STAC: variants seen among roughly 807,000 people sequenced by gnomAD.
STAC encodes SH3 and cysteine rich domain, also known as SH3 and cysteine-rich domain-containing protein.
STAC carries 43 observed loss-of-function variants against 48.8 expected under a neutral mutation model. That is an observed-to-expected ratio of 0.88 (90% confidence interval 0.69 to 1.14). The LOEUF is 1.14. STAC is among the 50% of genes most tolerant of loss of function. The pLI is 0.00. For synonymous variants in STAC, 193 were observed against 179.5 expected, an observed-to-expected ratio of 1.07 and a Z score of -0.60; for missense variants, 497 against 504.0, an observed-to-expected ratio of 0.99 and a Z score of 0.13.
intron 1 of STAC, among the ~76,000 whole-genome samples, chr3:36,440,802 G>C (rs1430276616): frequency 6.6e-6 from 1 of 152,204 alleles, no homozygotes; most frequent in African/African-American, 2.4e-5. Flanking sequence ...AACTTAGGGG[G>C]TTAAGACAGA....
At chr3:36,413,173 T>C (rs549563249) in intron 1 of STAC, among the ~76,000 whole-genome samples, 2 of 152,342 alleles carry the variant, frequency 1.3e-5, no homozygotes, top group South Asian at 2.1e-4. Context: ...TGGACGGTTC[T>C]ATAGATGTCT....
intron 8 of STAC, among the ~76,000 whole-genome samples, chr3:36,522,886 A>T (rs1484179596): frequency 6.6e-6 from 1 of 152,106 alleles, no homozygotes; most frequent in Admixed American, 6.6e-5. Context: ...TTCCTCCAAG[A>T]CCCCACCCTG....
chr3:36,462,878 G>A (rs549373797), intron 2 of STAC, among the ~76,000 whole-genome samples: 1 of 152,154 alleles, frequency 6.6e-6, no homozygotes, highest in South Asian at 2.1e-4. Context: ...GTACCCTTCT[G>A]TCCCATATTT....
intron 10 of STAC, among the ~76,000 whole-genome samples, chr3:36,542,829 A>G (rs1213139494): frequency 6.6e-6 from 1 of 152,230 alleles, no homozygotes; most frequent in Non-Finnish European, 1.5e-5. Context: ...GTACCCAGAA[A>G]TCTCTGTCAG....
At chr3:36,545,872 A>G (rs1042526811) in intron 10 of STAC, among the ~76,000 whole-genome samples, 2 of 152,214 alleles carry the variant, frequency 1.3e-5, no homozygotes, top group African/African-American at 4.8e-5. Context: ...GCTCCTTGAC[A>G]AACATTATTA....
chr3:36,441,787 T>C (rs1172636899), intron 1 of STAC, among the ~76,000 whole-genome samples: 3 of 152,208 alleles, frequency 2.0e-5, no homozygotes, highest in African/African-American at 7.2e-5. Context: ...GTAACTGGAG[T>C]GAGATGATAC....
chr3:36,529,063 A>T, intron 10 of STAC, 78 bp downstream of exon 10: 1 of 1,365,636 alleles, frequency 7.3e-7, no homozygotes, highest in Non-Finnish European at 9.8e-7. Context: ...ATATGTATAA[A>T]TCTGAATGAG....
At chr3:36,495,915 G>C (rs1698142284) in intron 6 of STAC, among the ~76,000 whole-genome samples, 1 of 152,188 alleles carries the variant, frequency 6.6e-6, no homozygotes, top group African/African-American at 2.4e-5. Context: ...ATCAGGATCT[G>C]CATATGAATC....
At chr3:36,454,584 T>C (rs949870690) in intron 2 of STAC, among the ~76,000 whole-genome samples, 1 of 152,220 alleles carries the variant, frequency 6.6e-6, no homozygotes, top group Non-Finnish European at 1.5e-5. Context: ...ACATGGATAC[T>C]ATCTCCCCTC....
chr3:36,403,803 T>G (rs1700042531), intron 1 of STAC, among the ~76,000 whole-genome samples: 1 of 152,106 alleles, frequency 6.6e-6, no homozygotes, highest in Admixed American at 6.6e-5. Context: ...GGTTTCAGAT[T>G]CTGAGCAGAA....
At chr3:36,486,101 G>T in intron 4 of STAC, 33 bp from the exon 5 acceptor site, 1 of 1,571,318 alleles carries the variant, frequency 6.4e-7, no homozygotes. Context: ...TCTCAGATGA[G>T]CTTCCTCAGA....
chr3:36,459,756 A>G (rs2125682572), intron 2 of STAC, among the ~76,000 whole-genome samples: 2 of 152,302 alleles, frequency 1.3e-5, no homozygotes, highest in South Asian at 2.1e-4. Flanking sequence ...CAGAAAATCT[A>G]GCTAGAAGGT....
chr3:36,482,968 C>A, intron 2 of STAC, 24 bp from the exon 3 acceptor site: 1 of 1,587,316 alleles, frequency 6.3e-7, no homozygotes, highest in South Asian at 1.1e-5. Flanking sequence ...GTATCCTAAC[C>A]AAAGTTTGCC....
At position 36,546,278 on chromosome 3, in the gene STAC, GA is replaced by G. The variant is rs757868116; in HGVS notation, c.1202del (p.Asn401ThrfsTer12). ...KKGLIPLDVL[E>X]NI ...AGGCCTCATCCCCCTTGATGTACTA[GA>G]AAACATCTGATTGCTGGCTCCTCCT... On this transcript the variant is annotated frameshift_variant, in exon 11 of 11. Coordinates refer to ENST00000273183, the MANE Select transcript of STAC (RefSeq NM_003149.3). LOFTEE classifies it high-confidence loss of function. 1.2e-6 allele frequency: 2 copies of G among 1,613,910 alleles called. No homozygotes were observed.
intron 10 of STAC, among the ~76,000 whole-genome samples, chr3:36,543,560 TA>T (rs537635754): frequency 0.025 from 3,840 of 152,288 alleles, 96 homozygotes; most frequent in Non-Finnish European, 0.032. Context: ...CCACAGCCTC[TA>T]GCAAGCAATG....
chr3:36,470,225 G>C (rs1402140844), intron 2 of STAC, among the ~76,000 whole-genome samples: 1 of 152,176 alleles, frequency 6.6e-6, no homozygotes, highest in Non-Finnish European at 1.5e-5. Context: ...AGGATTCAAG[G>C]GCTGCTGTGA....
intron 1 of STAC, among the ~76,000 whole-genome samples, chr3:36,430,174 A>G (rs563964256): frequency 1.8e-4 from 28 of 152,352 alleles, no homozygotes; most frequent in African/African-American, 6.0e-4. Context: ...TAGAATGCCT[A>G]TCCTATGCCA....
intron 2 of STAC, among the ~76,000 whole-genome samples, chr3:36,479,343 T>A (rs1047570212): frequency 6.6e-6 from 1 of 152,192 alleles, no homozygotes; most frequent in African/African-American, 2.4e-5. Context: ...AATTCAATCT[T>A]CCTATCATCT....
chr3:36,456,923 A>G (rs191206914), intron 2 of STAC, among the ~76,000 whole-genome samples: 88 of 152,282 alleles, frequency 5.8e-4, no homozygotes, highest in African/African-American at 1.4e-3. Flanking sequence ...CCCTCTGTCT[A>G]TATCTCCTCA....
Sources: gnomAD v4.1 joint callset for allele counts (sites outside exome capture counted in the v4.1 genomes callset) on GRCh38, gnomAD v4.1.1 for gene constraint, MANE v1.5 for transcripts, NCBI Gene and HGNC (gene_info 2026-07-23, HGNC 2026-07-21) for gene names.